RFX3: variants seen among roughly 807,000 people sequenced by gnomAD.
RFX3 encodes the protein regulatory factor X3, also known as transcription factor RFX3.
Under a neutral mutation model 98.6 loss-of-function variants are expected in RFX3, and 14 were observed. That is an observed-to-expected ratio of 0.14 (90% confidence interval 0.09 to 0.22). The LOEUF (loss-of-function observed/expected upper bound fraction) is 0.22, where lower values mean the gene tolerates loss of function less well. RFX3 is among the 10% of genes least tolerant of loss of function. RFX3 has a pLI of 1.00. For synonymous variants in RFX3, 383 were observed against 328.4 expected, an observed-to-expected ratio of 1.17 and a Z score of -1.80; for missense variants, 639 against 926.9, an observed-to-expected ratio of 0.69 and a Z score of 4.03.
chr9:3,365,429 T>C (rs898898255), intron 2 of RFX3, among the ~76,000 whole-genome samples: 1 of 152,108 alleles, frequency 6.6e-6, no homozygotes, highest in African/African-American at 2.4e-5. Context: ...ATACTCTTCA[T>C]AAAGACACCA....
At chr9:3,432,850 CTAAAG>C (rs1456739571) in intron 1 of RFX3, among the ~76,000 whole-genome samples, 2 of 152,056 alleles carry the variant, frequency 1.3e-5, no homozygotes, top group Non-Finnish European at 2.9e-5. Context: ...GGCGCTAAAA[CTAAAG>C]TAAACAGTGG....
intron 1 of RFX3, among the ~76,000 whole-genome samples, chr9:3,457,782 G>A (rs1847326114): frequency 1.3e-5 from 2 of 151,878 alleles, no homozygotes; most frequent in Admixed American, 6.6e-5. Flanking sequence ...TTCAATGAAT[G>A]TTTTACCGAT....
At chr9:3,403,378 T>C (rs1048792881) in intron 1 of RFX3, among the ~76,000 whole-genome samples, 13 of 152,154 alleles carry the variant, frequency 8.5e-5, no homozygotes, top group Admixed American at 8.5e-4. Flanking sequence ...AGGTTTGATG[T>C]TGTAATCCTC....
intron 2 of RFX3, among the ~76,000 whole-genome samples, chr9:3,355,877 A>G (rs1835689524): frequency 6.6e-6 from 1 of 151,920 alleles, no homozygotes; most frequent in African/African-American, 2.4e-5. Context: ...GAGGACAAAA[A>G]GATATCTTAA....
At chr9:3,448,914 AAAG>A (rs1296880460) in intron 1 of RFX3, among the ~76,000 whole-genome samples, 1 of 152,168 alleles carries the variant, frequency 6.6e-6, no homozygotes, top group East Asian at 1.9e-4. Flanking sequence ...AGAAAACTCC[AAAG>A]AAGTACTGAT....
intron 2 of RFX3, chr9:3,394,857 C>G: frequency 3.0e-6 from 3 of 985,226 alleles, no homozygotes; most frequent in East Asian, 1.1e-4. Context: ...TTGTCAGTAT[C>G]TTTCCAAACA....
intron 1 of RFX3, among the ~76,000 whole-genome samples, chr9:3,415,790 A>C (rs1157176794): frequency 6.6e-6 from 1 of 152,110 alleles, no homozygotes; most frequent in Non-Finnish European, 1.5e-5. Flanking sequence ...TTTGCAACAC[A>C]ATGAGACCCA....
At chr9:3,259,417 G>A (rs534267828) in intron 13 of RFX3, among the ~76,000 whole-genome samples, 10 of 151,436 alleles carry the variant, frequency 6.6e-5, no homozygotes, top group South Asian at 2.1e-4. Flanking sequence ...ACAATAGAGC[G>A]CATTGTAAAT....
chr9:3,330,409 T>C lies in RFX3; in HGVS notation c.324A>G (p.Ser108=). The C allele has an allele frequency of 3.7e-6, 6 of 1,614,152 alleles. No homozygotes were observed. Among genetic ancestry groups the C allele is most frequent in the Middle Eastern group, 1.6e-4 (1 of 6,062 alleles). The change falls in exon 4 of 17, where the codon TCA becomes TCG. Residue 108 remains serine, a synonymous_variant. Transcript: ENST00000617270. ...CACCAGTGCCCACCATACTGTGGGATGAGACCACGGTAGTCACCTGGGCGG... is the reference window on the plus strand; with the variant it reads ...CACCAGTGCCCACCATACTGTGGGACGAGACCACGGTAGTCACCTGGGCGG... The part of the protein sequence containing the change: ...GSSAQVTTVV[S]SHSMVGTGGI...
At chr9:3,311,789 C>T (rs1162530842) in intron 4 of RFX3, among the ~76,000 whole-genome samples, 1 of 152,102 alleles carries the variant, frequency 6.6e-6, no homozygotes, top group Non-Finnish European at 1.5e-5. Context: ...GAGGCTGAGG[C>T]AGGACAATCG....
At chr9:3,275,676 G>A (rs542823759) in intron 8 of RFX3, 64 bp from the exon 9 acceptor site, 4 of 962,666 alleles carry the variant, frequency 4.2e-6, no homozygotes, top group African/African-American at 3.3e-5. Flanking sequence ...AGATTAATGA[G>A]GGAAAATTTA....
rs77529339 is a variant in RFX3 at position 3,422,593 on chromosome 9, A to T, written c.-8-26997T>A. On this transcript the variant is annotated intron_variant, in intron 1 of 16. Coordinates refer to ENST00000617270, the MANE Select transcript of RFX3 (RefSeq NM_001282116.2). ...TTAAGTGATTTACAGATCAAATTCAACAACTTGAATCATTCAATATGCCAG... is the reference window on the plus strand; with the variant it reads ...TTAAGTGATTTACAGATCAAATTCATCAACTTGAATCATTCAATATGCCAG... Among the ~76,000 whole-genome samples, 28 of 152,352 alleles carry T rather than the reference A, an allele frequency of 1.8e-4. No individual in the cohort carries two copies. The East Asian group carries it at 4.8e-3, about 26-fold the overall frequency.
At chr9:3,512,247 T>C (rs1278430800) in intron 1 of RFX3, among the ~76,000 whole-genome samples, 1 of 152,030 alleles carries the variant, frequency 6.6e-6, no homozygotes, top group Non-Finnish European at 1.5e-5. Context: ...AAGTAAAGAA[T>C]GATTCAAGGT....
At chr9:3,366,702 CTTTCTTTCTTTCT>C (rs1186797142) in intron 2 of RFX3, among the ~76,000 whole-genome samples, 150 of 76,376 alleles carry the variant, frequency 2.0e-3, no homozygotes, top group Non-Finnish European at 9.5e-4. Flanking sequence ...TCCTTTCTTT[CTTTCTTTCTTTCT>C]TTCTTTCTTT....
At chr9:3,342,148 A>G (rs1161431168) in intron 3 of RFX3, among the ~76,000 whole-genome samples, 2 of 152,222 alleles carry the variant, frequency 1.3e-5, no homozygotes, top group African/African-American at 4.8e-5. Context: ...ATTTTAAATT[A>G]TTCAATGTCA....
chr9:3,341,619 TTTTA>T (rs1392526640), intron 3 of RFX3, among the ~76,000 whole-genome samples: 2 of 152,168 alleles, frequency 1.3e-5, no homozygotes, highest in African/African-American at 4.8e-5. Context: ...TAAATGCCAA[TTTTA>T]TTTAATTCAT....
intron 1 of RFX3, among the ~76,000 whole-genome samples, chr9:3,453,069 C>T (rs768259729): frequency 2.8e-4 from 43 of 152,232 alleles, no homozygotes; most frequent in Admixed American, 1.0e-3. Context: ...AATAACAGTA[C>T]GCACATCCCG....
At chr9:3,525,005 A>G (rs1253561897) in intron 1 of RFX3, among the ~76,000 whole-genome samples, 6 of 148,140 alleles carry the variant, frequency 4.1e-5, no homozygotes, top group Admixed American at 1.3e-4. Context: ...GGGGAGAAAG[A>G]GGGGGAGGGA....
intron 1 of RFX3, among the ~76,000 whole-genome samples, chr9:3,513,309 G>T (rs1285998132): frequency 6.6e-6 from 1 of 152,028 alleles, no homozygotes; most frequent in African/African-American, 2.4e-5. Context: ...GCAGAATATG[G>T]TGAACTGGGA....
Sources: gnomAD v4.1 joint callset for allele counts (sites outside exome capture counted in the v4.1 genomes callset) on GRCh38, gnomAD v4.1.1 for gene constraint, MANE v1.5 for transcripts, NCBI Gene and HGNC (gene_info 2026-07-23, HGNC 2026-07-21) for gene names.